The following ME3 variants were observed in gnomAD, a reference collection of about 807,000 sequenced individuals.
ME3 encodes NADP-dependent malic enzyme, mitochondrial.
A neutral mutation model predicts 68.9 loss-of-function variants in ME3; 48 were observed. That is an observed-to-expected ratio of 0.70 (90% CI 0.55 to 0.89). The LOEUF (loss-of-function observed/expected upper bound fraction) is 0.89. Among genes scored for constraint, ME3 ranks in the 40% least tolerant of loss-of-function variants. The probability of loss-of-function intolerance (pLI) is 0.00; values close to 1 mark genes in which losing one functional copy is unlikely to be tolerated. For missense variants in ME3, 675 were observed against 797.4 expected, an observed-to-expected ratio of 0.85 and a Z score of 1.85; for synonymous variants, 320 against 318.8, an observed-to-expected ratio of 1.00 and a Z score of -0.04.
At chr11:86,530,035 T>C (rs1017396097) in intron 4 of ME3, among the ~76,000 whole-genome samples, 4 of 152,112 alleles carry the variant, frequency 2.6e-5, no homozygotes, top group African/African-American at 7.2e-5. Context: ...AAATAAAGGG[T>C]ATTCAATTAG....
At chr11:86,489,715 T>C (rs1186999939) in intron 6 of ME3, among the ~76,000 whole-genome samples, 1 of 152,058 alleles carries the variant, frequency 6.6e-6, no homozygotes, top group Non-Finnish European at 1.5e-5. Context: ...CTCCCTGGGC[T>C]CTCTTACTCA....
intron 2 of ME3, among the ~76,000 whole-genome samples, chr11:86,584,012 C>T (rs1261210874): frequency 6.6e-6 from 1 of 152,072 alleles, no homozygotes; most frequent in East Asian, 1.9e-4. Flanking sequence ...GAAAACAATC[C>T]ACAGAGTGAA....
intron 13 of ME3, 76 bp from the exon 14 acceptor site, chr11:86,442,995 G>T: frequency 8.7e-7 from 1 of 1,148,054 alleles, no homozygotes. Context: ...CGTTACCCCA[G>T]AGACTCACCC....
chr11:86,553,903 G>T (rs1956809545), intron 4 of ME3, among the ~76,000 whole-genome samples: 1 of 151,670 alleles, frequency 6.6e-6, no homozygotes, highest in South Asian at 2.1e-4. Flanking sequence ...TAGTGTGGTG[G>T]TTGCCTGTCT....
intron 2 of ME3, among the ~76,000 whole-genome samples, chr11:86,639,855 T>C (rs1944558078): frequency 6.6e-6 from 1 of 152,208 alleles, no homozygotes; most frequent in African/African-American, 2.4e-5. Context: ...GGGCAGATAA[T>C]TGGGACACAG....
intron 4 of ME3, among the ~76,000 whole-genome samples, chr11:86,531,986 C>CAGTT (rs1491494997): frequency 1.9e-4 from 6 of 31,728 alleles, no homozygotes; most frequent in African/African-American, 5.9e-4. Context: ...TTAAAAAAAA[C>CAGTT]CAAACCAAAA....
At chr11:86,493,756 A>C (rs149578800) in intron 6 of ME3, among the ~76,000 whole-genome samples, 2 of 152,336 alleles carry the variant, frequency 1.3e-5, no homozygotes, top group African/African-American at 2.4e-5. Flanking sequence ...AAAGTGATGC[A>C]GAGTTTCAGG....
chr11:86,593,536 C>A (rs1959168290), intron 2 of ME3, among the ~76,000 whole-genome samples: 1 of 146,438 alleles, frequency 6.8e-6, no homozygotes, highest in Non-Finnish European at 1.5e-5. Context: ...ACAAGCCCGA[C>A]CTCCATCTCC....
intron 2 of ME3, among the ~76,000 whole-genome samples, chr11:86,651,042 G>A (rs942803089): frequency 1.3e-5 from 2 of 152,236 alleles, no homozygotes; most frequent in South Asian, 4.1e-4. Flanking sequence ...CAGCGAGGCT[G>A]GGGGAGGGGC....
chr11:86,651,246 G>C lies in ME3; in HGVS notation c.183+20516C>G, dbSNP rs1395615024. On this transcript the variant is annotated intron_variant, in intron 2 of 14. Coordinates refer to ENST00000543262, the Ensembl canonical transcript of ME3. ...CTGTCTGACAGCTTGGAAGACAGTA[G>C]TGGTTCTCCCAGCACGCAGCTTGAG... Among the ~76,000 whole-genome samples, 5 of 152,218 alleles carry C rather than the reference G, an allele frequency of 3.3e-5. No individual in the cohort carries two copies. In the East Asian group the frequency reaches 9.6e-4, roughly 29 times the overall value.
intron 7 of ME3, among the ~76,000 whole-genome samples, chr11:86,466,492 G>T (rs987632669): frequency 1.7e-4 from 26 of 152,072 alleles, no homozygotes; most frequent in African/African-American, 6.3e-4. Context: ...CTTGGGACTG[G>T]CTGTGGAAAT....
chr11:86,478,781 G>GT (rs1951227799), intron 7 of ME3, among the ~76,000 whole-genome samples: 1 of 152,228 alleles, frequency 6.6e-6, no homozygotes, highest in Non-Finnish European at 1.5e-5. Flanking sequence ...TTGGTGGAAA[G>GT]TATTTCATTT....
chr11:86,454,447 A>C (rs1489905517), intron 8 of ME3, among the ~76,000 whole-genome samples: 2 of 152,240 alleles, frequency 1.3e-5, no homozygotes, highest in Non-Finnish European at 2.9e-5. Flanking sequence ...GTGTAGACAC[A>C]GTAGACTGTT....
At chr11:86,595,448 A>T (rs1959257597) in intron 2 of ME3, among the ~76,000 whole-genome samples, 1 of 149,970 alleles carries the variant, frequency 6.7e-6, no homozygotes, top group African/African-American at 2.5e-5. Flanking sequence ...AAGCTTAGAG[A>T]GTTAAGTACT....
intron 2 of ME3, among the ~76,000 whole-genome samples, chr11:86,575,235 CCTCATG>C (rs1958035670): frequency 6.8e-6 from 1 of 147,502 alleles, no homozygotes; most frequent in East Asian, 1.9e-4. Context: ...AGGGTGAACT[CCTCATG>C]CTTGCTGTCA....
intron 13 of ME3, among the ~76,000 whole-genome samples, chr11:86,445,531 T>C (rs905881509): frequency 1.3e-5 from 2 of 152,224 alleles, no homozygotes; most frequent in African/African-American, 2.4e-5. Flanking sequence ...CGTGTAAATA[T>C]GTTTAATATT....
downstream of ME3, among the ~76,000 whole-genome samples, chr11:86,438,021 T>C (rs1205205716): frequency 6.6e-6 from 1 of 152,212 alleles, no homozygotes; most frequent in African/African-American, 2.4e-5. Flanking sequence ...CCGTGTTGAC[T>C]AGAAGTGGTA....
intron 13 of ME3, among the ~76,000 whole-genome samples, chr11:86,445,911 AC>A (rs1448141362): frequency 2.6e-5 from 4 of 151,794 alleles, no homozygotes; most frequent in African/African-American, 7.3e-5. Flanking sequence ...ACCGCCAGTT[AC>A]CCCAGTGATT....
intron 2 of ME3, among the ~76,000 whole-genome samples, chr11:86,641,870 C>A (rs1944692500): frequency 2.0e-5 from 3 of 152,090 alleles, no homozygotes; most frequent in Admixed American, 6.5e-5. Context: ...ATTAAAACTT[C>A]ACCTCTTTTT....
Sources: gnomAD v4.1 joint callset for allele counts (sites outside exome capture counted in the v4.1 genomes callset) on GRCh38, gnomAD v4.1.1 for gene constraint, MANE v1.5 for transcripts, NCBI Gene and HGNC (gene_info 2026-07-23, HGNC 2026-07-21) for gene names.